Variants in ABRACL observed in about 807,000 individuals in gnomAD.
The protein encoded by ABRACL is ABRA C-terminal like.
ABRACL carries 4 observed loss-of-function variants against 7.0 expected under a neutral mutation model. The ratio of observed to expected loss-of-function variants is 0.57; its 90% CI spans 0.28 to 1.30. ABRACL has a LOEUF of 1.30. ABRACL is among the 50% of genes most tolerant of loss of function. The pLI is 0.10. For missense variants in ABRACL, 104 were observed against 97.3 expected (o/e 1.07, Z -0.29); for synonymous variants, 30 against 36.0 (o/e 0.83, Z 0.60).
At position 139,028,847 on chromosome 6, in the gene ABRACL, T is replaced by C. The variant is rs1302345867; in HGVS notation, c.-35T>C. 1.3e-5 allele frequency: 2 copies of C among 152,480 alleles called. No individual in the cohort carries two copies. The highest frequency in any genetic ancestry group is 2.9e-5 in the Non-Finnish European group (2 of 68,284). The allele number at this position is 152,480 out of a possible 1,614,324, so 9.4% of individuals were successfully genotyped here. A position where few individuals can be genotyped will look rare whatever the true frequency, so the allele number is the denominator to read the frequency against. On this transcript the variant is annotated 5_prime_UTR_variant, in exon 1 of 3. Transcript: ENST00000367660. The stretch of plus-strand genomic sequence containing the variant: ...GTCCAGACCCACGCGGCGCCAGTTC[T>C]CCGGCGGGAAGGAAAACCGCGCAGA...
chr6:139,029,937 T>C (rs1420954780), intron 1 of ABRACL, among the ~76,000 whole-genome samples: 1 of 152,070 alleles, frequency 6.6e-6, no homozygotes, highest in Admixed American at 6.6e-5. Flanking sequence ...CATTCTAAAG[T>C]GTGTATTGGT....
At chr6:139,034,041 A>T in intron 1 of ABRACL, 114 bp from the exon 2 acceptor site, 4 of 1,352,300 alleles carry the variant, frequency 3.0e-6, no homozygotes, top group Non-Finnish European at 3.1e-6. Context: ...GAAAAGGAAC[A>T]TGGTAAATTA....
At position 139,042,852 on chromosome 6, in the gene ABRACL, G is replaced by T; in HGVS notation, c.195G>T (p.Leu65=). ...AGATTGTAACATATCCAGGAGAGCTGCTTCTGCAAGGTGTTCATGATGATG... is the reference window on the plus strand; with the variant it reads ...AGATTGTAACATATCCAGGAGAGCTTCTTCTGCAAGGTGTTCATGATGATG... The part of the protein sequence containing the change: ...RRKIVTYPGE[L]LLQGVHDDVD... The change falls in exon 3 of 3, where the codon CTG becomes CTT. Residue 65 remains leucine (L), a synonymous_variant. Coordinates refer to ENST00000367660, the MANE Select transcript of ABRACL (RefSeq NM_021243.3). 6.2e-7 allele frequency: 1 copy of T among 1,613,724 alleles called. No individual in the cohort carries two copies. The highest frequency in any genetic ancestry group is 8.5e-7 in the Non-Finnish European group (1 of 1,179,878).
At chr6:139,035,295 C>T (rs955613528) in intron 2 of ABRACL, among the ~76,000 whole-genome samples, 21 of 152,144 alleles carry the variant, frequency 1.4e-4, no homozygotes, top group African/African-American at 5.1e-4. Context: ...AGTTTGACAA[C>T]GGTCCTGCTG....
At chr6:139,030,080 C>T (rs1786057921) in intron 1 of ABRACL, among the ~76,000 whole-genome samples, 2 of 152,096 alleles carry the variant, frequency 1.3e-5, no homozygotes, top group South Asian at 2.1e-4. Flanking sequence ...GGAGCCTTTT[C>T]CTGTCTTCTG....
chr6:139,031,823 C>T (rs906886720), intron 1 of ABRACL, among the ~76,000 whole-genome samples: 1 of 152,112 alleles, frequency 6.6e-6, no homozygotes, highest in Non-Finnish European at 1.5e-5. Context: ...AAGACTCTAC[C>T]CAGGATACAT....
At position 139,037,285 on chromosome 6, in the gene ABRACL, A is replaced by G. The variant is rs774103164; in HGVS notation, c.61+3064A>G. On this transcript the variant is annotated intron_variant, in intron 2 of 2. Coordinates refer to ENST00000367660, the MANE Select transcript of ABRACL (RefSeq NM_021243.3). ...TTATTTAGTTTCTTTTTTGAGATGGAGTCTCACTCTGTTTCCCGGGCTGGA... is the reference window on the plus strand; with the variant it reads ...TTATTTAGTTTCTTTTTTGAGATGGGGTCTCACTCTGTTTCCCGGGCTGGA... Among the ~76,000 whole-genome samples, 132 of 152,042 alleles carry G rather than the reference A, an allele frequency of 8.7e-4. 1 individual carries two copies. Among genetic ancestry groups the G allele is most frequent in the Middle Eastern group, 3.4e-3 (1 of 294 alleles).
chr6:139,029,236 G>C (rs1341685942), intron 1 of ABRACL, among the ~76,000 whole-genome samples: 3 of 152,188 alleles, frequency 2.0e-5, no homozygotes, highest in African/African-American at 7.2e-5. Context: ...GCTGGGTGGG[G>C]AAGGGCTGGG....
intron 2 of ABRACL, among the ~76,000 whole-genome samples, chr6:139,036,576 C>T (rs536365888): frequency 6.6e-6 from 1 of 152,274 alleles, no homozygotes; most frequent in East Asian, 1.9e-4. Flanking sequence ...TGAGTTGAAT[C>T]ATATCAGTTA....
intron 1 of ABRACL, among the ~76,000 whole-genome samples, 194 bp from the exon 2 acceptor site, chr6:139,033,961 G>C (rs778091595): frequency 2.6e-5 from 4 of 151,930 alleles, no homozygotes; most frequent in Non-Finnish European, 4.4e-5. Context: ...GGGAGCTGAG[G>C]GGGCGGTTAC....
chr6:139,037,822 G>C (rs574724053), intron 2 of ABRACL, among the ~76,000 whole-genome samples: 1 of 149,860 alleles, frequency 6.7e-6, no homozygotes, highest in East Asian at 2.0e-4. Context: ...TGTCACCCAG[G>C]CTGGAGTACA....
At chr6:139,034,872 G>GT (rs1786130834) in intron 2 of ABRACL, among the ~76,000 whole-genome samples, 1 of 152,098 alleles carries the variant, frequency 6.6e-6, no homozygotes, top group Admixed American at 6.5e-5. Context: ...TTCCTAAGTC[G>GT]TAATGAAAAT....
chr6:139,039,320 A>C (rs1006474453), intron 2 of ABRACL, among the ~76,000 whole-genome samples: 10 of 152,306 alleles, frequency 6.6e-5, no homozygotes, highest in Non-Finnish European at 8.8e-5. Context: ...TAAAATAATG[A>C]TGCTTCTTGT....
intron 2 of ABRACL, among the ~76,000 whole-genome samples, chr6:139,039,723 C>T (rs1178109695): frequency 2.6e-5 from 4 of 152,108 alleles, no homozygotes; most frequent in Non-Finnish European, 5.9e-5. Flanking sequence ...TGGCAGAAGA[C>T]CAGGCAAGTG....
chr6:139,029,607 G>C (rs1242711610), intron 1 of ABRACL, among the ~76,000 whole-genome samples: 1 of 152,154 alleles, frequency 6.6e-6, no homozygotes, highest in East Asian at 1.9e-4. Context: ...GTGACCGTGT[G>C]ATGATGGGCT....
intron 2 of ABRACL, among the ~76,000 whole-genome samples, chr6:139,039,111 C>A (rs1786206137): frequency 6.6e-6 from 1 of 151,930 alleles, no homozygotes; most frequent in South Asian, 2.1e-4. Context: ...GTAATCCCAG[C>A]TACTTGGGGA....
intron 2 of ABRACL, among the ~76,000 whole-genome samples, chr6:139,041,836 AGT>A (rs1786258223): frequency 6.6e-6 from 1 of 152,106 alleles, no homozygotes; most frequent in East Asian, 1.9e-4. Context: ...GTCTGCCCCT[AGT>A]GTCTAACACA....
chr6:139,039,032 T>C (rs1263209724), intron 2 of ABRACL, among the ~76,000 whole-genome samples: 1 of 152,160 alleles, frequency 6.6e-6, no homozygotes, highest in Non-Finnish European at 1.5e-5. Context: ...GAGACCAGCT[T>C]GGCCAACATG....
rs1786277552 is a variant in ABRACL at position 139,043,032 on chromosome 6, G to GT, written c.*133dup. ...ACTTTGTAAACGAAAGGAGATTCAT[G>GT]TTTTAGAAGTCTGTCCTTTTTTATA... is the stretch of plus-strand genomic sequence containing the variant. On this transcript the variant is annotated 3_prime_UTR_variant, in exon 3 of 3. Transcript: ENST00000367660. 6 of 709,700 alleles carry GT rather than the reference G, an allele frequency of 8.5e-6. No individual in the cohort carries two copies. The highest frequency in any genetic ancestry group is 1.8e-5 in the African/African-American group (1 of 54,194). The allele number at this position is 709,700 out of a possible 1,614,324, so 44.0% of individuals were successfully genotyped here. A position where few individuals can be genotyped will look rare whatever the true frequency, so the allele number is the denominator to read the frequency against.
Sources: allele counts gnomAD v4.1 joint callset (sites outside exome capture counted in the v4.1 genomes callset), GRCh38; gene constraint gnomAD v4.1.1; transcripts MANE v1.5; gene names NCBI Gene and HGNC (gene_info 2026-07-23, HGNC 2026-07-21).